SMU1: variants seen among roughly 807,000 people sequenced by gnomAD.
SMU1 encodes WD40 repeat-containing protein SMU1.
SMU1 carries 2 observed loss-of-function variants against 62.0 expected under a neutral mutation model. The observed-to-expected ratio is 0.03, with a 90% CI of 0.01 to 0.10. SMU1 has a LOEUF of 0.10. Among genes scored for constraint, SMU1 ranks in the 10% least tolerant of loss-of-function variants. The pLI is 1.00. For synonymous variants in SMU1, 188 were observed against 212.4 expected, an observed-to-expected ratio of 0.89 and a Z score of 1.00; for missense variants, 227 against 622.1, an observed-to-expected ratio of 0.36 and a Z score of 6.76.
Position 33,049,764 on chromosome 9 carries a change from C to CCACACACACACACACACACACACA in SMU1, c.1291-1530_1291-1507dup, listed in dbSNP as rs61036431. On this transcript the variant is annotated intron_variant, in intron 10 of 11. Coordinates refer to ENST00000397149, the MANE Select transcript of SMU1 (RefSeq NM_018225.3). Reference sequence around the variant, plus strand: ...TCAGCAACATGGCATGACCCCATTTCCACACACACACACACACACACACAA... The same window carrying CCACACACACACACACACACACACA: ...TCAGCAACATGGCATGACCCCATTTCCACACACACACACACACACACACACACACACACACACACACACACACAA... Among the ~76,000 whole-genome samples, 76 of 148,514 alleles carry CCACACACACACACACACACACACA rather than the reference C, an allele frequency of 5.1e-4. 2 individuals are homozygous for CCACACACACACACACACACACACA. The highest frequency in any genetic ancestry group is 3.4e-3 in the Middle Eastern group (1 of 292).
intron 2 of SMU1, 112 bp downstream of exon 2, chr9:33,073,484 T>C: frequency 1.2e-5 from 8 of 665,808 alleles, no homozygotes; most frequent in South Asian, 7.6e-5. Context: ...CATTGTTGTA[T>C]GGGCTGATGC....
chr9:33,061,273 A>G (rs1447433953), intron 5 of SMU1, among the ~76,000 whole-genome samples: 1 of 152,222 alleles, frequency 6.6e-6, no homozygotes, highest in East Asian at 1.9e-4. Context: ...ATAACAGAAA[A>G]TCTTAGCCCA....
rs1392179063 is a variant in SMU1, at chr9:33,043,899, A to T, written c.*3394T>A. On this transcript the variant is annotated 3_prime_UTR_variant, in exon 12 of 12. Coordinates refer to ENST00000397149, the MANE Select transcript of SMU1 (RefSeq NM_018225.3). ...CTTACATAGCAAGGAAGGGCTCAAC[A>T]GAGGCCGTTAGTGGTAGTAATAATA... The T allele has an allele frequency of 1.3e-5, 2 of 151,910 alleles. No homozygotes were observed. Among genetic ancestry groups the T allele is most frequent in the Non-Finnish European group, 2.9e-5 (2 of 67,952 alleles). 9.4% of individuals were successfully genotyped at this position (151,910 alleles called of 1,614,324 possible).
At chr9:33,051,213 T>C (rs1190849646) in intron 10 of SMU1, among the ~76,000 whole-genome samples, 1 of 151,540 alleles carries the variant, frequency 6.6e-6, no homozygotes, top group African/African-American at 2.4e-5. Flanking sequence ...GAAGTCAAAA[T>C]GAAAAAGTTA....
rs1839192694 is a variant in SMU1, at chr9:33,046,968, G to A, written c.*325C>T. ...TTCCTTATTTACAAGTTTTACTATG[G>A]GAGGGACATTTTCCTCAGCATTTCA... On this transcript the variant is annotated 3_prime_UTR_variant, in exon 12 of 12. Transcript: ENST00000397149. The A allele has an allele frequency of 4.9e-6, 1 of 202,680 alleles. No homozygotes were observed. The highest frequency in any genetic ancestry group is 2.4e-5 in the African/African-American group (1 of 42,328). The allele number at this position is 202,680 out of a possible 1,614,324, so 12.6% of individuals were successfully genotyped here. A position where few individuals can be genotyped will look rare whatever the true frequency, so the allele number is the denominator to read the frequency against.
chr9:33,058,590 T>C (rs1839328666), intron 6 of SMU1, among the ~76,000 whole-genome samples: 1 of 152,188 alleles, frequency 6.6e-6, no homozygotes, highest in South Asian at 2.1e-4. Flanking sequence ...GTGCTGGGAT[T>C]ACAGGTATGA....
At chr9:33,061,370 A>T (rs1839359404) in intron 5 of SMU1, among the ~76,000 whole-genome samples, 1 of 152,234 alleles carries the variant, frequency 6.6e-6, no homozygotes, top group Non-Finnish European at 1.5e-5. Context: ...TTTATCTGCA[A>T]GTTAGAATAT....
intron 2 of SMU1, among the ~76,000 whole-genome samples, chr9:33,072,209 T>TGC (rs1282176852): frequency 3.9e-5 from 6 of 152,096 alleles, no homozygotes; most frequent in African/African-American, 1.4e-4. Flanking sequence ...TGGTGGTATA[T>TGC]GCCTGTAATT....
rs1044417183 is a variant in SMU1 at position 33,046,394 on chromosome 9, G to C, written c.*899C>G. 23 of 152,076 alleles carry C rather than the reference G, an allele frequency of 1.5e-4. No individual in the cohort carries two copies. The highest frequency in any genetic ancestry group is 5.3e-4 in the African/African-American group (22 of 41,404). 9.4% of individuals were successfully genotyped at this position (152,076 alleles called of 1,614,324 possible). A position where few individuals can be genotyped will look rare whatever the true frequency, so the allele number is the denominator to read the frequency against. ...TGAGGGCAGTGAAATGAGAACCTAT[G>C]CATCACCTGGCCTTTTTACATGTTA... On this transcript the variant is annotated 3_prime_UTR_variant, in exon 12 of 12. Transcript: ENST00000397149.
intron 10 of SMU1, among the ~76,000 whole-genome samples, chr9:33,050,526 T>TAAAAAAAAAAA (rs572118083): frequency 1.0e-5 from 1 of 99,892 alleles, no homozygotes; most frequent in Non-Finnish European, 2.1e-5. Flanking sequence ...ATTAAGCACT[T>TAAAAAAAAAAA]AAAAAAAAAA....
Position 33,053,277 on chromosome 9 carries a change from T to C in SMU1, c.1136A>G (p.Lys379Arg). The C allele has an allele frequency of 6.2e-7, 1 of 1,612,606 alleles. No individual in the cohort carries two copies. The highest frequency in any genetic ancestry group is 1.1e-5 in the South Asian group (1 of 90,930). Residue 379 changes from lysine (K) to arginine (R), a missense_variant, in exon 10 of 12, where the codon AAG becomes AGG. Physicochemically the swap from Lys to Arg is conservative, Grantham distance 26. Around this residue, in one of 5 missense-constraint regions of SMU1, gnomAD observed 98 missense variants for 195.9 expected, o/e 0.50. Transcript: ENST00000397149. ...SDGTVKIWNM[K>R]TTECSNTFKS... is the part of the protein sequence containing the mutation. The stretch of plus-strand genomic sequence containing the variant: ...AAAGGTATTTGAACATTCTGTGGTC[T>C]TCATATTCCAGATCTACCACACAGA...
chr9:33,050,526 T>TAAA (rs572118083), intron 10 of SMU1, among the ~76,000 whole-genome samples: 6 of 99,890 alleles, frequency 6.0e-5, no homozygotes, highest in South Asian at 3.2e-4. Context: ...ATTAAGCACT[T>TAAA]AAAAAAAAAA....
chr9:33,048,803 A>C (rs150981852), intron 10 of SMU1, among the ~76,000 whole-genome samples: 60 of 152,350 alleles, frequency 3.9e-4, no homozygotes, highest in African/African-American at 1.4e-3. Context: ...AATTATAATA[A>C]TGGAAAACAG....
At position 33,076,613 on chromosome 9, in the gene SMU1, G is replaced by A. The variant is rs758515432; in HGVS notation, c.-5C>T. ...AGATTCGATTTCGATCGACATAGCC[G>A]TATCTCTCCGGGAGCAGGCCCCAGC... On this transcript the variant is annotated 5_prime_UTR_variant, in exon 1 of 12. In the 5' UTR this introduces an upstream ATG that the reference lacks. Coordinates refer to ENST00000397149, the MANE Select transcript of SMU1 (RefSeq NM_018225.3). 4.3e-6 allele frequency: 7 copies of A among 1,613,866 alleles called. No homozygotes were observed. The highest frequency in any genetic ancestry group is 5.9e-6 in the Non-Finnish European group (7 of 1,180,028).
chr9:33,061,330 G>A (rs542664265), intron 5 of SMU1, among the ~76,000 whole-genome samples: 1 of 152,314 alleles, frequency 6.6e-6, no homozygotes, highest in African/African-American at 2.4e-5. Flanking sequence ...GTTTCAGGCA[G>A]AGTAAATAAA....
At chr9:33,048,753 A>G (rs1392933326) in intron 10 of SMU1, among the ~76,000 whole-genome samples, 1 of 152,190 alleles carries the variant, frequency 6.6e-6, no homozygotes, top group Non-Finnish European at 1.5e-5. Flanking sequence ...CAGTTTACAT[A>G]CTATATGCTT....
chr9:33,074,718 A>G (rs1008974992), intron 1 of SMU1, among the ~76,000 whole-genome samples: 3 of 152,144 alleles, frequency 2.0e-5, no homozygotes, highest in Non-Finnish European at 4.4e-5. Flanking sequence ...ATCAGGACTC[A>G]AACTGGCAGT....
chr9:33,063,332 C>G (rs952501513), intron 4 of SMU1, among the ~76,000 whole-genome samples: 1 of 151,934 alleles, frequency 6.6e-6, no homozygotes, highest in South Asian at 2.1e-4. Flanking sequence ...ACTGCACTCC[C>G]AGCCTGGGCA....
rs1290458624 is a variant in SMU1 at position 33,071,758 on chromosome 9, A to C, written c.372T>G (p.Ser124=). Reference sequence around the variant, plus strand: ...GTCATACCTCACGAGGATCAAAGTAAGACCTGGCCAAAAGGTTCTCCAGAT... The same window carrying C: ...GTCATACCTCACGAGGATCAAAGTACGACCTGGCCAAAAGGTTCTCCAGAT... The part of the protein sequence containing the change: ...YIHLENLLAR[S]YFDPREAYPD... The change falls in exon 3 of 12, where the codon TCT becomes TCG. Residue 124 remains serine (S), a synonymous_variant. Coordinates refer to ENST00000397149, the MANE Select transcript of SMU1 (RefSeq NM_018225.3). 1 of 1,612,058 alleles carries C rather than the reference A, an allele frequency of 6.2e-7. No individual in the cohort carries two copies. Among genetic ancestry groups the C allele is most frequent in the Admixed American group, 1.7e-5 (1 of 59,580 alleles).
Sources: allele counts gnomAD v4.1 joint callset (sites outside exome capture counted in the v4.1 genomes callset), GRCh38; gene constraint gnomAD v4.1.1; regional missense constraint gnomAD v4.1.1; transcripts MANE v1.5; gene names NCBI Gene and HGNC (gene_info 2026-07-23, HGNC 2026-07-21).